The following ABCA13 variants were observed in gnomAD, a reference collection of about 807,000 sequenced individuals.
ABCA13 encodes the protein ATP binding cassette subfamily A member 13.
Under a neutral mutation model 478.7 loss-of-function variants are expected in ABCA13, and 476 were observed. The ratio of observed to expected loss-of-function variants is 0.99; its 90% CI spans 0.92 to 1.07. The LOEUF (loss-of-function observed/expected upper bound fraction) is 1.07. Ranked by LOEUF, ABCA13 falls within the 50% of genes least tolerant of loss-of-function variation. The pLI is 0.00. For missense variants in ABCA13, 6,060 were observed against 5,910.6 expected (o/e 1.03, Z -0.83); for synonymous variants, 2,252 against 2,158.9 (o/e 1.04, Z -1.20).
Position 48,535,771 on chromosome 7 carries a change from G to C in ABCA13, c.14354+7426G>C, listed in dbSNP as rs533561907. Among the ~76,000 whole-genome samples the C allele has an allele frequency of 3.9e-5, 6 of 152,232 alleles. No homozygotes were observed. In the East Asian group the frequency reaches 1.2e-3, roughly 29 times the overall value. ...ATGGCTGCCTCTGCTGAGTCACACA[G>C]GTTGCCAGGGAAGTGGGGTAAGTCG... On this transcript the variant is annotated intron_variant, in intron 55 of 61. Coordinates refer to ENST00000435803, the MANE Select transcript of ABCA13 (RefSeq NM_152701.5).
At chr7:48,185,317 G>C (rs1796215387) in intron 1 of ABCA13, among the ~76,000 whole-genome samples, 1 of 152,168 alleles carries the variant, frequency 6.6e-6, no homozygotes, top group South Asian at 2.1e-4. Context: ...TACTATTACA[G>C]AAAGCTTTGT....
At chr7:48,342,005 A>C (rs1807311675) in intron 29 of ABCA13, among the ~76,000 whole-genome samples, 1 of 149,592 alleles carries the variant, frequency 6.7e-6, no homozygotes, top group South Asian at 2.1e-4. Flanking sequence ...CATCTCACTA[A>C]TTTTGATATC....
chr7:48,328,758 A>G (rs1804716593), intron 27 of ABCA13, among the ~76,000 whole-genome samples: 1 of 152,170 alleles, frequency 6.6e-6, no homozygotes, highest in African/African-American at 2.4e-5. Flanking sequence ...AAAACCCAAG[A>G]TGTATTTTAA....
intron 59 of ABCA13, among the ~76,000 whole-genome samples, chr7:48,616,548 T>G (rs533690638): frequency 6.6e-6 from 1 of 152,274 alleles, no homozygotes; most frequent in South Asian, 2.1e-4. Flanking sequence ...GGGGATAGGT[T>G]TTCTCTAGCT....
At chr7:48,460,919 G>A (rs747874078) in intron 43 of ABCA13, among the ~76,000 whole-genome samples, 2 of 152,208 alleles carry the variant, frequency 1.3e-5, no homozygotes, top group Admixed American at 1.3e-4. Context: ...TCATGATCCA[G>A]TGATGTTAAC....
chr7:48,199,093 A>T (rs1469226697), intron 3 of ABCA13, among the ~76,000 whole-genome samples: 3 of 152,216 alleles, frequency 2.0e-5, no homozygotes, highest in African/African-American at 7.2e-5. Flanking sequence ...AGTTTTATTT[A>T]ATCTATATTT....
Position 48,557,731 on chromosome 7 carries a change from C to T in ABCA13, c.14355-22493C>T, listed in dbSNP as rs377054217. On this transcript the variant is annotated intron_variant, in intron 55 of 61. Coordinates refer to ENST00000435803, the MANE Select transcript of ABCA13 (RefSeq NM_152701.5). ...TATTTGTTTGGTGCAAAAGTAATCA[C>T]GGTTTTTGACATTAAAAGTAATTAC... is the stretch of plus-strand genomic sequence containing the variant. 3.7e-4 allele frequency among the ~76,000 whole-genome samples: 57 copies of T among 152,110 alleles called. 2 individuals carry two copies. In the South Asian group the frequency reaches 9.3e-3, roughly 25 times the overall value.
At chr7:48,596,986 C>CA (rs1790354246) in intron 58 of ABCA13, among the ~76,000 whole-genome samples, 1 of 150,150 alleles carries the variant, frequency 6.7e-6, no homozygotes, top group Non-Finnish European at 1.5e-5. Context: ...GAGTCTTGCT[C>CA]AGTCACCCAG....
chr7:48,625,290 A>G (rs937223378), intron 59 of ABCA13, among the ~76,000 whole-genome samples: 7 of 152,232 alleles, frequency 4.6e-5, no homozygotes, highest in African/African-American at 1.7e-4. Context: ...CACATAATGA[A>G]GTGGATCATT....
intron 15 of ABCA13, among the ~76,000 whole-genome samples, chr7:48,268,315 C>A (rs556167441): frequency 6.6e-6 from 1 of 152,182 alleles, no homozygotes; most frequent in African/African-American, 2.4e-5. Flanking sequence ...CACCACCACA[C>A]CCGGCTAATT....
chr7:48,386,019 T>C (rs1190457469), intron 35 of ABCA13, among the ~76,000 whole-genome samples: 4 of 152,194 alleles, frequency 2.6e-5, no homozygotes, highest in Admixed American at 6.5e-5. Context: ...GTTTTTTGCT[T>C]AATTTATTTA....
In ABCA13 at chr7:48,379,037, G is replaced by C. The variant is rs953841394; in HGVS notation, c.11335+2465G>C. Reference sequence around the variant, plus strand: ...CTAATTTTAGCTACCAGCTAGTTAGGAAAAAAGATCAGAGTCTATTACAGA... The same window carrying C: ...CTAATTTTAGCTACCAGCTAGTTAGCAAAAAAGATCAGAGTCTATTACAGA... On this transcript the variant is annotated intron_variant, in intron 35 of 61. Transcript: ENST00000435803. 2.6e-5 allele frequency among the ~76,000 whole-genome samples: 4 copies of C among 151,880 alleles called. No individual in the cohort carries two copies. The East Asian group carries it at 7.7e-4, about 29-fold the overall frequency.
intron 55 of ABCA13, among the ~76,000 whole-genome samples, chr7:48,542,019 T>G (rs1196004747): frequency 1.3e-5 from 2 of 151,522 alleles, no homozygotes; most frequent in East Asian, 3.9e-4. Context: ...AAATATATAA[T>G]TCAAGTAAAG....
intron 59 of ABCA13, among the ~76,000 whole-genome samples, chr7:48,630,380 T>G (rs1794066790): frequency 6.6e-6 from 1 of 152,208 alleles, no homozygotes; most frequent in East Asian, 1.9e-4. Flanking sequence ...TACTCGTTGT[T>G]TAACTCCCAC....
intron 38 of ABCA13, among the ~76,000 whole-genome samples, chr7:48,399,841 C>T (rs962384756): frequency 6.6e-6 from 1 of 152,090 alleles, no homozygotes; most frequent in Non-Finnish European, 1.5e-5. Flanking sequence ...AAAGGAGACA[C>T]CTGCCCCACA....
At chr7:48,562,811 G>A (rs892607055) in intron 55 of ABCA13, among the ~76,000 whole-genome samples, 3 of 152,074 alleles carry the variant, frequency 2.0e-5, no homozygotes, top group African/African-American at 7.2e-5. Flanking sequence ...TTTGTTACCT[G>A]TGAATACGGT....
chr7:48,308,382 CTAAAA>C (rs1418999210), intron 23 of ABCA13, among the ~76,000 whole-genome samples: 1 of 152,008 alleles, frequency 6.6e-6, no homozygotes, highest in Non-Finnish European at 1.5e-5. Context: ...AGAGTATACT[CTAAAA>C]TAATGATAAT....
intron 19 of ABCA13, among the ~76,000 whole-genome samples, chr7:48,283,703 CCTT>C (rs1476976292): frequency 3.9e-5 from 6 of 152,166 alleles, no homozygotes; most frequent in Non-Finnish European, 7.3e-5. Flanking sequence ...AAGGCTGCCT[CCTT>C]ACTGTCACGA....
intron 59 of ABCA13, among the ~76,000 whole-genome samples, chr7:48,638,249 T>A (rs1034063963): frequency 2.6e-5 from 4 of 152,308 alleles, no homozygotes; most frequent in African/African-American, 9.6e-5. Flanking sequence ...TCTGAGACAG[T>A]TCTGTTGGCC....
Sources: gnomAD v4.1 joint callset for allele counts (sites outside exome capture counted in the v4.1 genomes callset) on GRCh38, gnomAD v4.1.1 for gene constraint, MANE v1.5 for transcripts, NCBI Gene and HGNC (gene_info 2026-07-23, HGNC 2026-07-21) for gene names.